MDM4: variants seen among roughly 807,000 people sequenced by gnomAD.
The protein encoded by MDM4 is protein Mdm4.
A neutral mutation model predicts 60.2 loss-of-function variants in MDM4; 2 were observed. The ratio of observed to expected loss-of-function variants is 0.03; its 90% CI spans 0.01 to 0.10. The LOEUF is 0.10. MDM4 is among the 10% of genes least tolerant of loss of function. The pLI is 1.00. For synonymous variants in MDM4, 202 were observed against 198.1 expected (o/e 1.02, Z -0.17); for missense variants, 447 against 577.5 (o/e 0.77, Z 2.32).
rs765786119 is a variant in MDM4 at position 204,525,609 on chromosome 1, C to A, written c.78+13C>A. On this transcript the variant is annotated intron_variant, in intron 2 of 10. Coordinates refer to ENST00000367182, the MANE Select transcript of MDM4 (RefSeq NM_002393.5). ...ACAAATCAATCAGGTAAATCATTTT[C>A]GGTATTTCTAGTTTTTTGGTTTTTT... is the stretch of plus-strand genomic sequence containing the variant. The A allele has an allele frequency of 2.0e-6, 3 of 1,497,428 alleles. No individual in the cohort carries two copies. Among genetic ancestry groups the A allele is most frequent in the Non-Finnish European group, 2.7e-6 (3 of 1,097,024 alleles). 92.8% of individuals were successfully genotyped at this position (1,497,428 alleles called of 1,614,324 possible).
intron 7 of MDM4, among the ~76,000 whole-genome samples, chr1:204,540,884 T>C (rs910396348): frequency 6.6e-6 from 1 of 152,236 alleles, no homozygotes; most frequent in South Asian, 2.1e-4. Context: ...GCTTCTAGTC[T>C]AGGCATGTGG....
rs2102428677 is a variant in MDM4, at chr1:204,544,635, C to T, written c.773C>T (p.Ala258Val). ...QLGVGIKVEA[A>V]DTEQTSEEVG... ...GGTGTTGGAATAAAAGTTGAAGCTG[C>T]TGATACTGAACAAACAAGTGAAGAA... Residue 258 changes from alanine (A) to valine (V), a missense_variant, in exon 9 of 11, where the codon GCT becomes GTT. Physicochemically the swap from Ala to Val is moderately conservative, Grantham distance 64 (BLOSUM62 0). Around this residue, in one of 8 missense-constraint regions of MDM4, gnomAD observed 184 missense variants for 179.3 expected, o/e 1.03. Coordinates refer to ENST00000367182, the MANE Select transcript of MDM4 (RefSeq NM_002393.5). 6 of 1,613,636 alleles carry T rather than the reference C, an allele frequency of 3.7e-6. No individual in the cohort carries two copies. Among genetic ancestry groups the T allele is most frequent in the Non-Finnish European group, 5.1e-6 (6 of 1,179,732 alleles).
At position 204,557,519 on chromosome 1, in the gene MDM4, C is replaced by G. The variant is rs1401156041; in HGVS notation, c.*7837C>G. The G allele has an allele frequency of 2.3e-5, 4 of 172,876 alleles. No individual in the cohort carries two copies. Among genetic ancestry groups the G allele is most frequent in the African/African-American group, 9.5e-5 (4 of 42,028 alleles). 10.7% of individuals were successfully genotyped at this position (172,876 alleles called of 1,614,324 possible). A position where few individuals can be genotyped will look rare whatever the true frequency, so the allele number is the denominator to read the frequency against. On this transcript the variant is annotated 3_prime_UTR_variant, in exon 11 of 11. Coordinates refer to ENST00000367182, the MANE Select transcript of MDM4 (RefSeq NM_002393.5). ...CTGGGTTCAAGCGATCCTCCTGCCT[C>G]AACCTCTCAAGTAGCTGGGACTACA...
At position 204,542,919 on chromosome 1, in the gene MDM4, G is replaced by A. The variant is rs1266653539; in HGVS notation, c.647G>A (p.Gly216Asp). ...AGCAACTATACACCTAGAAGTAATGGCTCAACTGATTTACAGACAAATCAG... is the reference window on the plus strand; with the variant it reads ...AGCAACTATACACCTAGAAGTAATGACTCAACTGATTTACAGACAAATCAG... ...LRSNYTPRSN[G>D]STDLQTNQDV... Residue 216 changes from glycine to aspartate, a missense_variant, in exon 8 of 11, where the codon GGC becomes GAC. Around this residue, in one of 8 missense-constraint regions of MDM4, gnomAD observed 184 missense variants for 179.3 expected, o/e 1.03. Coordinates refer to ENST00000367182, the MANE Select transcript of MDM4 (RefSeq NM_002393.5). 2.5e-6 allele frequency: 4 copies of A among 1,608,944 alleles called. No homozygotes were observed. In the South Asian group the frequency reaches 3.4e-5, roughly 13 times the overall value.
chr1:204,540,249 C>T lies in MDM4; in HGVS notation c.511+1941C>T, dbSNP rs1433055294. The stretch of plus-strand genomic sequence containing the variant: ...GCAGTGAGCCGAGATTGTGCCACTG[C>T]ACTCCAGCCTGGGCGACAGAGCGAG... On this transcript the variant is annotated intron_variant, in intron 7 of 10. Transcript: ENST00000367182. Among the ~76,000 whole-genome samples the T allele has an allele frequency of 4.7e-5, 7 of 150,282 alleles. No individual in the cohort carries two copies. The East Asian group carries it at 1.4e-3, about 30-fold the overall frequency.
At chr1:204,525,672 C>T (rs1229070303) in intron 2 of MDM4, 76 bp downstream of exon 2, 4 of 980,820 alleles carry the variant, frequency 4.1e-6, no homozygotes, top group African/African-American at 3.4e-5. Context: ...TGTCTCATGA[C>T]TGTAATCCCA....
chr1:204,539,336 A>T (rs1184911441), intron 7 of MDM4, among the ~76,000 whole-genome samples: 1 of 152,100 alleles, frequency 6.6e-6, no homozygotes, highest in African/African-American at 2.4e-5. Flanking sequence ...ATACTTAATC[A>T]CAAAGCCAAG....
chr1:204,536,627 C>A (rs1661453866), intron 5 of MDM4, among the ~76,000 whole-genome samples: 1 of 152,150 alleles, frequency 6.6e-6, no homozygotes, highest in Non-Finnish European at 1.5e-5. Context: ...AAATTGTTTG[C>A]AGCTTGATCT....
At chr1:204,537,526 G>A (rs767485736) in intron 6 of MDM4, 29 bp downstream of exon 6, 20 of 1,513,530 alleles carry the variant, frequency 1.3e-5, no homozygotes, top group East Asian at 2.3e-5. Flanking sequence ...GACTTCTTTT[G>A]TTGTACAGAG....
At chr1:204,529,763 A>G (rs1011039491) in intron 3 of MDM4, 3 of 403,188 alleles carry the variant, frequency 7.4e-6, no homozygotes, top group South Asian at 1.1e-4. Flanking sequence ...AGTGGTTATG[A>G]TGAATTATGC....
At chr1:204,517,665 G>T (rs533269955) in intron 1 of MDM4, among the ~76,000 whole-genome samples, 1 of 152,128 alleles carries the variant, frequency 6.6e-6, no homozygotes, top group Non-Finnish European at 1.5e-5. Context: ...GCCTCCGAAA[G>T]TGTTGGGATT....
In MDM4 at chr1:204,558,032, GCT is replaced by G; in HGVS notation, c.*8353_*8354del. The G allele has an allele frequency of 5.4e-6, 1 of 185,592 alleles. No individual in the cohort carries two copies. The highest frequency in any genetic ancestry group is 8.7e-5 in the East Asian group (1 of 11,460). The allele number at this position is 185,592 out of a possible 1,614,324, so 11.5% of individuals were successfully genotyped here. On this transcript the variant is annotated 3_prime_UTR_variant, in exon 11 of 11. Transcript: ENST00000367182. ...CCTTATAAGCACCACTAAGTTAATAGCTCTGTCTTTTTGGTGTTTGCACTATG... is the reference window on the plus strand; with the variant it reads ...CCTTATAAGCACCACTAAGTTAATAGCTGTCTTTTTGGTGTTTGCACTATG...
chr1:204,553,071 C>A lies in MDM4; in HGVS notation c.*3389C>A, dbSNP rs2102474479. ...TGTATTTTTAGTAGAGATGGTTTCA[C>A]CATGTTGGTCAGGCTGGTCTCGAAC... On this transcript the variant is annotated 3_prime_UTR_variant, in exon 11 of 11. Transcript: ENST00000367182. 5.9e-6 allele frequency: 1 copy of A among 170,298 alleles called. No homozygotes were observed. Among genetic ancestry groups the A allele is most frequent in the East Asian group, 1.1e-4 (1 of 8,942 alleles). 10.5% of individuals were successfully genotyped at this position (170,298 alleles called of 1,614,324 possible). A position where few individuals can be genotyped will look rare whatever the true frequency, so the allele number is the denominator to read the frequency against.
chr1:204,531,993 AAC>A (rs925112649), intron 4 of MDM4, among the ~76,000 whole-genome samples, 196 bp from the exon 5 acceptor site: 20 of 152,218 alleles, frequency 1.3e-4, no homozygotes, highest in African/African-American at 4.3e-4. Context: ...GGGGCAGAGT[AAC>A]ACAGGGGCCT....
chr1:204,524,491 T>G (rs1303177916), intron 1 of MDM4, among the ~76,000 whole-genome samples: 2 of 152,222 alleles, frequency 1.3e-5, no homozygotes, highest in African/African-American at 4.8e-5. Flanking sequence ...TAAAAATCTA[T>G]TTTCCGGCTG....
chr1:204,528,916 C>G (rs1660544014), intron 3 of MDM4: 2 of 1,593,870 alleles, frequency 1.3e-6, no homozygotes, highest in African/African-American at 2.7e-5. Context: ...ACAGCTGTGT[C>G]CTTCTCCCGG....
At chr1:204,543,276 C>G (rs1662314427) in intron 8 of MDM4, among the ~76,000 whole-genome samples, 2 of 152,280 alleles carry the variant, frequency 1.3e-5, no homozygotes, top group African/African-American at 4.8e-5. Context: ...GAGGCCGAGA[C>G]AGGAGGATTG....
Position 204,550,371 on chromosome 1 carries a change from C to T in MDM4, c.*689C>T. 1 of 213,880 alleles carries T rather than the reference C, an allele frequency of 4.7e-6. No homozygotes were observed. The highest frequency in any genetic ancestry group is 9.5e-6 in the Non-Finnish European group (1 of 105,702). The allele number at this position is 213,880 out of a possible 1,614,324, so 13.2% of individuals were successfully genotyped here. A position where few individuals can be genotyped will look rare whatever the true frequency, so the allele number is the denominator to read the frequency against. On this transcript the variant is annotated 3_prime_UTR_variant, in exon 11 of 11. Coordinates refer to ENST00000367182, the MANE Select transcript of MDM4 (RefSeq NM_002393.5). ...GTGGAGATGAAGTCTCACTATGTTG[C>T]CCAGGCTGGTCTCGAACTCCTGGGC...
At chr1:204,543,444 C>G (rs1395963326) in intron 8 of MDM4, among the ~76,000 whole-genome samples, 1 of 152,246 alleles carries the variant, frequency 6.6e-6, no homozygotes, top group Non-Finnish European at 1.5e-5. Context: ...TCTTTGTTCA[C>G]TACATGCGTT....
Sources: gnomAD v4.1 joint callset for allele counts (sites outside exome capture counted in the v4.1 genomes callset) on GRCh38, gnomAD v4.1.1 for gene constraint, gnomAD v4.1.1 regional missense constraint, MANE v1.5 for transcripts, NCBI Gene and HGNC (gene_info 2026-07-23, HGNC 2026-07-21) for gene names.